Variants in NLGN1 observed in about 807,000 individuals in gnomAD.
The protein encoded by NLGN1 is neuroligin 1, also known as neuroligin-1.
NLGN1 carries 12 observed loss-of-function variants against 65.5 expected under a neutral mutation model. That is an observed-to-expected ratio of 0.18 (90% confidence interval 0.12 to 0.30). The LOEUF (loss-of-function observed/expected upper bound fraction) is 0.30. Among genes scored for constraint, NLGN1 ranks in the 10% least tolerant of loss-of-function variants. The probability of loss-of-function intolerance (pLI) is 1.00; values close to 1 mark genes in which losing one functional copy is unlikely to be tolerated. For synonymous variants in NLGN1, 350 were observed against 359.5 expected, an observed-to-expected ratio of 0.97 and a Z score of 0.30; for missense variants, 750 against 1,007.1, an observed-to-expected ratio of 0.74 and a Z score of 3.46.
At chr3:173,739,509 G>T (rs1296486781) in intron 3 of NLGN1, among the ~76,000 whole-genome samples, 1 of 151,952 alleles carries the variant, frequency 6.6e-6, no homozygotes, top group East Asian at 1.9e-4. Flanking sequence ...TATTAATTCA[G>T]GATTTAATAG....
chr3:173,634,513 T>G (rs147510211), intron 3 of NLGN1, among the ~76,000 whole-genome samples: 11 of 152,276 alleles, frequency 7.2e-5, no homozygotes, highest in African/African-American at 2.4e-4. Flanking sequence ...CAATTTCTTC[T>G]TTTCAACTAG....
intron 4 of NLGN1, among the ~76,000 whole-genome samples, chr3:174,269,104 C>CTG (rs1189500197): frequency 1.3e-5 from 2 of 151,702 alleles, no homozygotes; most frequent in African/African-American, 2.4e-5. Flanking sequence ...TAATTAAATG[C>CTG]TGTGTGTGTG....
At chr3:173,834,656 A>G (rs1000784004) in intron 4 of NLGN1, among the ~76,000 whole-genome samples, 3 of 152,126 alleles carry the variant, frequency 2.0e-5, no homozygotes, top group Admixed American at 2.0e-4. Context: ...ATACTATCTC[A>G]TTTAACTCTT....
chr3:174,102,208 T>A (rs1476347844), intron 4 of NLGN1, among the ~76,000 whole-genome samples: 4 of 152,144 alleles, frequency 2.6e-5, no homozygotes, highest in Admixed American at 2.6e-4. Context: ...GTATAAAAAA[T>A]CATAGCCAGC....
At chr3:173,884,778 C>T (rs1005627815) in intron 4 of NLGN1, among the ~76,000 whole-genome samples, 1 of 152,062 alleles carries the variant, frequency 6.6e-6, no homozygotes, top group African/African-American at 2.4e-5. Flanking sequence ...AATTGATAAA[C>T]AATTGAAATT....
chr3:173,554,140 G>T (rs1035939401), intron 2 of NLGN1, among the ~76,000 whole-genome samples: 1 of 152,092 alleles, frequency 6.6e-6, no homozygotes, highest in Non-Finnish European at 1.5e-5. Context: ...TAAAATCTAT[G>T]TGGGGAATTA....
At chr3:174,105,506 T>G (rs1309468529) in intron 4 of NLGN1, among the ~76,000 whole-genome samples, 6 of 152,066 alleles carry the variant, frequency 3.9e-5, no homozygotes, top group Non-Finnish European at 8.8e-5. Context: ...ATAAGGCCAC[T>G]GCACTCCATC....
chr3:173,602,049 C>T (rs548455964), intron 2 of NLGN1, among the ~76,000 whole-genome samples: 18 of 152,138 alleles, frequency 1.2e-4, no homozygotes, highest in East Asian at 1.9e-4. Flanking sequence ...CAGATAGCAA[C>T]GGGCTCCTGG....
At chr3:174,003,607 A>G (rs773123696) in intron 4 of NLGN1, among the ~76,000 whole-genome samples, 109 of 152,296 alleles carry the variant, frequency 7.2e-4, no homozygotes, top group Middle Eastern at 3.4e-3. Flanking sequence ...ATTTTTCTAC[A>G]AGAATAAGAA....
intron 3 of NLGN1, among the ~76,000 whole-genome samples, chr3:173,676,902 A>C (rs1763248910): frequency 6.6e-6 from 1 of 151,832 alleles, no homozygotes; most frequent in South Asian, 2.1e-4. Flanking sequence ...CCATCCTTTT[A>C]CTCCCGGCCC....
intron 4 of NLGN1, among the ~76,000 whole-genome samples, chr3:173,907,026 A>C (rs964592130): frequency 6.6e-6 from 1 of 152,146 alleles, no homozygotes; most frequent in African/African-American, 2.4e-5. Context: ...ATTTTCCTGC[A>C]AGAAACAGTT....
intron 3 of NLGN1, among the ~76,000 whole-genome samples, chr3:173,617,214 C>T (rs541787635): frequency 1.3e-5 from 2 of 152,276 alleles, no homozygotes; most frequent in African/African-American, 4.8e-5. Context: ...TACCCTTTTC[C>T]TCCAGTTATT....
At position 173,852,219 on chromosome 3, in the gene NLGN1, G is replaced by C. The variant is rs565103800; in HGVS notation, c.646+44387G>C. 4.0e-5 allele frequency among the ~76,000 whole-genome samples: 6 copies of C among 150,732 alleles called. No homozygotes were observed. In the South Asian group the frequency reaches 1.0e-3, roughly 26 times the overall value. Reference sequence around the variant, plus strand: ...AAAATACAAAAAATTAGCCGGGCGTGGTAGCGGGCGCCTGTAGTCCCAGCT... The same window carrying C: ...AAAATACAAAAAATTAGCCGGGCGTCGTAGCGGGCGCCTGTAGTCCCAGCT... On this transcript the variant is annotated intron_variant, in intron 4 of 6. Transcript: ENST00000457714.
At chr3:173,744,767 CACCTT>C (rs1775120254) in intron 3 of NLGN1, among the ~76,000 whole-genome samples, 1 of 152,056 alleles carries the variant, frequency 6.6e-6, no homozygotes, top group Non-Finnish European at 1.5e-5. Flanking sequence ...CCTATGATCT[CACCTT>C]TGGTTTCTTG....
At chr3:173,498,054 AT>A (rs961651774) in intron 2 of NLGN1, among the ~76,000 whole-genome samples, 1 of 150,500 alleles carries the variant, frequency 6.6e-6, no homozygotes, top group Non-Finnish European at 1.5e-5. Context: ...GAGTAGGTTC[AT>A]TTTTTTTTAG....
chr3:173,977,719 T>C (rs1291552061), intron 4 of NLGN1, among the ~76,000 whole-genome samples: 2 of 152,010 alleles, frequency 1.3e-5, no homozygotes, highest in African/African-American at 4.8e-5. Context: ...TTTTGGACCA[T>C]GTTAAGTTGG....
At chr3:174,175,267 T>G (rs1200671966) in intron 4 of NLGN1, among the ~76,000 whole-genome samples, 4 of 151,916 alleles carry the variant, frequency 2.6e-5, no homozygotes, top group Admixed American at 1.3e-4. Context: ...GGGAGTCTCT[T>G]TCTCTCTTCA....
At chr3:173,894,144 C>T (rs1735906623) in intron 4 of NLGN1, among the ~76,000 whole-genome samples, 1 of 152,068 alleles carries the variant, frequency 6.6e-6, no homozygotes, top group Admixed American at 6.6e-5. Flanking sequence ...GCACTTATCA[C>T]AGGGTGTTAC....
chr3:173,812,347 A>G (rs895209880), intron 4 of NLGN1, among the ~76,000 whole-genome samples: 1 of 152,200 alleles, frequency 6.6e-6, no homozygotes, highest in East Asian at 1.9e-4. Context: ...TCTATTAGAT[A>G]TGGTTAATGA....
Sources: gnomAD v4.1 joint callset for allele counts (sites outside exome capture counted in the v4.1 genomes callset) on GRCh38, gnomAD v4.1.1 for gene constraint, MANE v1.5 for transcripts, NCBI Gene and HGNC (gene_info 2026-07-23, HGNC 2026-07-21) for gene names.